Variants in SHD observed in about 807,000 individuals in gnomAD.
SHD encodes the protein Src homology 2 domain containing transforming protein D, also known as SH2 domain-containing adapter protein D.
SHD carries 29 observed loss-of-function variants against 31.2 expected under a neutral mutation model. That is an observed-to-expected ratio of 0.93 (90% CI 0.69 to 1.27). SHD has a LOEUF of 1.27. Among genes scored for constraint, SHD ranks in the 50% most tolerant of loss-of-function variants. The pLI is 0.00. For missense variants in SHD, 520 were observed against 453.8 expected, an observed-to-expected ratio of 1.15 and a Z score of -1.33; for synonymous variants, 208 against 187.8, an observed-to-expected ratio of 1.11 and a Z score of -0.88.
chr19:4,281,759 A>C (rs2144714119), intron 1 of SHD, among the ~76,000 whole-genome samples: 1 of 152,174 alleles, frequency 6.6e-6, no homozygotes, highest in Middle Eastern at 3.4e-3. Flanking sequence ...ACTCTGTCTC[A>C]ATAAATAAAT....
intron 5 of SHD, 59 bp from the exon 6 acceptor site, chr19:4,290,388 T>C: frequency 6.5e-7 from 1 of 1,545,478 alleles, no homozygotes; most frequent in Non-Finnish European, 8.8e-7. Flanking sequence ...GCTTTGGGGA[T>C]GGTGCCTTTC....
rs1261743617 is a variant in SHD at position 4,282,891 on chromosome 19, T to G, written c.319T>G (p.Leu107Val). Residue 107 changes from leucine to valine, a missense_variant, in exon 2 of 6, where the codon TTA (leucine) becomes GTA (valine). Transcript: ENST00000543264. Reference protein sequence around the residue: ...GEELEADTEYLDPFDAQPHPA... With the variant: ...GEELEADTEYVDPFDAQPHPA... ...GCAGCTGGAAGCCGACACTGAGTAT[T>G]TAGACCCCTTTGATGCTCAGCCTCA... 4 of 1,613,952 alleles carry G rather than the reference T, an allele frequency of 2.5e-6. No homozygotes were observed. The highest frequency in any genetic ancestry group is 3.4e-6 in the Non-Finnish European group (4 of 1,179,992).
Position 4,280,346 on chromosome 19 carries a change from G to T in SHD, c.283G>T (p.Gly95Cys). Reference sequence around the variant, plus strand: ...GGCCAGAGCCAAGGCCCTTCTGGGCGGCCCCGGGGAGGAGGTGCGTGGCTG... The same window carrying T: ...GGCCAGAGCCAAGGCCCTTCTGGGCTGCCCCGGGGAGGAGGTGCGTGGCTG... ...DMARAKALLG[G>C]PGEELEADTE... is the part of the protein sequence containing the mutation. The change falls in exon 1 of 6, where the codon GGC becomes TGC. Residue 95 changes from glycine (G) to cysteine (C), a missense_variant. Gly to Cys is a radical substitution (Grantham distance 159). Coordinates refer to ENST00000543264, the MANE Select transcript of SHD (RefSeq NM_020209.4). The T allele has an allele frequency of 1.3e-6, 2 of 1,573,110 alleles. No individual in the cohort carries two copies. Among genetic ancestry groups the T allele is most frequent in the South Asian group, 2.3e-5 (2 of 86,578 alleles).
chr19:4,285,154 T>G lies in SHD; in HGVS notation c.716+250T>G, dbSNP rs116146325. Among the ~76,000 whole-genome samples, 695 of 152,286 alleles carry G rather than the reference T, an allele frequency of 4.6e-3. 8 individuals carry two copies. The highest frequency in any genetic ancestry group is 0.016 in the African/African-American group (670 of 41,566). The stretch of plus-strand genomic sequence containing the variant: ...TCAAGTTCTGGGTTCACATTCCTGC[T>G]CTCCTCTCCTGGCTGTGTAGCCTGG... On this transcript the variant is annotated intron_variant, in intron 4 of 5. Transcript: ENST00000543264.
rs1017215139 is a variant in SHD, at chr19:4,288,319, C to T, written c.793C>T (p.Arg265Trp). 1.2e-5 allele frequency: 20 copies of T among 1,613,702 alleles called. No individual in the cohort carries two copies. Among genetic ancestry groups the T allele is most frequent in the East Asian group, 6.7e-5 (3 of 44,870 alleles). Residue 265 changes from arginine to tryptophan, a missense_variant, in exon 5 of 6, where the codon CGG (arginine) becomes TGG (tryptophan). Coordinates refer to ENST00000543264, the MANE Select transcript of SHD (RefSeq NM_020209.4). ...CTGCAAGGAAGGCAGCTACCTAGTG[C>T]GGCTCAGTGAGACCAACCCCCAGGA... ...SLCKEGSYLV[R>W]LSETNPQDCS...
chr19:4,279,841 T>G lies in SHD; in HGVS notation c.-223T>G. 1.7e-6 allele frequency: 1 copy of G among 572,704 alleles called. No individual in the cohort carries two copies. The highest frequency in any genetic ancestry group is 3.0e-6 in the Non-Finnish European group (1 of 334,334). The allele number at this position is 572,704 out of a possible 1,614,324, so 35.5% of individuals were successfully genotyped here. On this transcript the variant is annotated 5_prime_UTR_variant, in exon 1 of 6. Coordinates refer to ENST00000543264, the MANE Select transcript of SHD (RefSeq NM_020209.4). This position sits in a 1 kb window ranked among gnomAD's most constrained non-coding sequence, Gnocchi z 7.5. ...CTTCCCAAGCTGGGCTAAGGCGGGC[T>G]TCTCTTCCTCCCTCCTCTGTCGCCT...
rs144296562 is a variant in SHD at position 4,283,097 on chromosome 19, G to C, written c.447G>C (p.Glu149Asp). 1.9e-6 allele frequency: 3 copies of C among 1,613,998 alleles called. No homozygotes were observed. Among genetic ancestry groups the C allele is most frequent in the African/African-American group, 2.7e-5 (2 of 74,926 alleles). ...TGCAGCTCTATGACACCCCTTATGA[G>C]GAACAGGACCCAGAGACAGCAGATG... is the stretch of plus-strand genomic sequence containing the variant. ...RGVQLYDTPYEEQDPETADGP... is the reference protein window; with the variant it reads ...RGVQLYDTPYDEQDPETADGP... Residue 149 changes from glutamate (E) to aspartate (D), a missense_variant, in exon 3 of 6, where the codon GAG becomes GAC. Coordinates refer to ENST00000543264, the MANE Select transcript of SHD (RefSeq NM_020209.4).
At position 4,283,076 on chromosome 19, in the gene SHD, G is replaced by T. The variant is rs149578820; in HGVS notation, c.426G>T (p.Gln142His). The change falls in exon 3 of 6, where the codon CAG (glutamine) becomes CAT (histidine). Residue 142 changes from glutamine to histidine, a missense_variant. Gln to His is a conservative substitution (Grantham distance 24, BLOSUM62 0). Coordinates refer to ENST00000543264, the MANE Select transcript of SHD (RefSeq NM_020209.4). ...VMSELPGRGVQLYDTPYEEQD... is the reference protein window; with the variant it reads ...VMSELPGRGVHLYDTPYEEQD... Reference sequence around the variant, plus strand: ...TAGAACTTCCCGGCAGAGGGGTGCAGCTCTATGACACCCCTTATGAGGAAC... The same window carrying T: ...TAGAACTTCCCGGCAGAGGGGTGCATCTCTATGACACCCCTTATGAGGAAC... 19 of 1,613,930 alleles carry T rather than the reference G, an allele frequency of 1.2e-5. No individual in the cohort carries two copies. The highest frequency in any genetic ancestry group is 1.3e-5 in the African/African-American group (1 of 74,896).
intron 4 of SHD, among the ~76,000 whole-genome samples, chr19:4,285,889 CT>C (rs56142317): frequency 0.039 from 3,382 of 87,262 alleles, 60 homozygotes; most frequent in African/African-American, 0.15. Flanking sequence ...CTTTTCCTTT[CT>C]TTTTTTTTTT....
At chr19:4,287,256 G>C (rs10417493) in intron 4 of SHD, among the ~76,000 whole-genome samples, 66,500 of 151,160 alleles carry the variant, frequency 0.44, 15,604 homozygotes, top group African/African-American at 0.59. Context: ...GGCGTGAACC[G>C]GGGAGGCGGA....
In SHD at chr19:4,280,016, T is replaced by A; in HGVS notation, c.-48T>A. ...GGGGAAAGGGGCCCGGAGAAGGGCA[T>A]GTGGGGGCCCCTCTGACAGTGGCCC... On this transcript the variant is annotated 5_prime_UTR_variant, in exon 1 of 6. An upstream start codon of the reference 5' UTR is lost. Coordinates refer to ENST00000543264, the MANE Select transcript of SHD (RefSeq NM_020209.4). 1 of 1,520,040 alleles carries A rather than the reference T, an allele frequency of 6.6e-7. No homozygotes were observed. Among genetic ancestry groups the A allele is most frequent in the Non-Finnish European group, 8.8e-7 (1 of 1,135,764 alleles). 94.2% of individuals were successfully genotyped at this position (1,520,040 alleles called of 1,614,324 possible). A position where few individuals can be genotyped will look rare whatever the true frequency, so the allele number is the denominator to read the frequency against.
Position 4,288,269 on chromosome 19 carries a change from CG to C in SHD, c.745del (p.Asp249MetfsTer15), listed in dbSNP as rs776025040. ...TGGTTTCATGGCCCCCTGAACAGGG[CG>C]GATGCAGAGAGCCTCCTGTCCCTCT... ...QPWFHGPLNR[A>X]DAESLLSLCK... is the part of the protein sequence containing the mutation. On this transcript the variant is annotated frameshift_variant, in exon 5 of 6. Transcript: ENST00000543264. LOFTEE classifies it high-confidence loss of function. 2.5e-6 allele frequency: 4 copies of C among 1,613,546 alleles called. No homozygotes were observed. The highest frequency in any genetic ancestry group is 3.4e-6 in the Non-Finnish European group (4 of 1,179,792).
Position 4,284,796 on chromosome 19 carries a change from C to T in SHD, c.608C>T (p.Pro203Leu). 3.7e-6 allele frequency: 6 copies of T among 1,609,396 alleles called. No homozygotes were observed. Among genetic ancestry groups the T allele is most frequent in the Non-Finnish European group, 5.1e-6 (6 of 1,177,466 alleles). The change falls in exon 4 of 6, where the codon CCA becomes CTA. Residue 203 changes from proline (P) to leucine (L), a missense_variant. Physicochemically the swap from Pro to Leu is moderately conservative, Grantham distance 98. Coordinates refer to ENST00000543264, the MANE Select transcript of SHD (RefSeq NM_020209.4). ...SRAFAVQFDS[P>L]EWERTPGSAK... ...TCCTTTCCAGTGCAGTTTGACAGTC[C>T]AGAGTGGGAGAGGACTCCAGGCTCA...
At chr19:4,286,751 G>T (rs773111274) in intron 4 of SHD, among the ~76,000 whole-genome samples, 1 of 151,718 alleles carries the variant, frequency 6.6e-6, no homozygotes, top group Non-Finnish European at 1.5e-5. Flanking sequence ...ATGGTGGTGC[G>T]TGCCTGTAAT....
chr19:4,290,453 C>G lies in SHD; in HGVS notation c.843C>G (p.Ser281Arg). The change falls in exon 6 of 6, where the codon AGC (serine) becomes AGG (arginine). Residue 281 changes from serine (S) to arginine (R), a missense_variant. By Grantham distance (110) the Ser-to-Arg change is moderately radical (BLOSUM62 -1). Coordinates refer to ENST00000543264, the MANE Select transcript of SHD (RefSeq NM_020209.4). ...PQDCSLSLRS[S>R]QGFLHLKFAR... ...TTTCTCCCTCATCGCCCAGGAGCAGCCAGGGCTTCCTGCATCTGAAGTTCG... is the reference window on the plus strand; with the variant it reads ...TTTCTCCCTCATCGCCCAGGAGCAGGCAGGGCTTCCTGCATCTGAAGTTCG... 6.2e-7 allele frequency: 1 copy of G among 1,610,748 alleles called. No homozygotes were observed. Among genetic ancestry groups the G allele is most frequent in the South Asian group, 1.1e-5 (1 of 90,780 alleles).
At chr19:4,289,950 A>C (rs967136987) in intron 5 of SHD, among the ~76,000 whole-genome samples, 1 of 150,972 alleles carries the variant, frequency 6.6e-6, no homozygotes, top group Non-Finnish European at 1.5e-5. Flanking sequence ...ATATCAGCTC[A>C]CTGCAGCCTC....
intron 5 of SHD, among the ~76,000 whole-genome samples, chr19:4,289,103 A>AT (rs71166980): frequency 0.098 from 7,597 of 77,382 alleles, 523 homozygotes; most frequent in East Asian, 0.2. Flanking sequence ...TGCCCAGCTA[A>AT]TTTTTTTTTT....
At chr19:4,286,837 G>T (rs1056651392) in intron 4 of SHD, among the ~76,000 whole-genome samples, 1 of 151,828 alleles carries the variant, frequency 6.6e-6, no homozygotes, top group African/African-American at 2.4e-5. Flanking sequence ...CTGAGATCAC[G>T]CCACTGTACT....
At chr19:4,280,415 T>A in intron 1 of SHD, 55 bp downstream of exon 1, 1 of 1,493,988 alleles carries the variant, frequency 6.7e-7, no homozygotes, top group Non-Finnish European at 8.9e-7. Flanking sequence ...CAGGATGGGC[T>A]CTCTGGATCG....
Sources: allele counts gnomAD v4.1 joint callset (sites outside exome capture counted in the v4.1 genomes callset), GRCh38; gene constraint gnomAD v4.1.1; non-coding constraint Gnocchi (gnomAD v3.1); transcripts MANE v1.5; gene names NCBI Gene and HGNC (gene_info 2026-07-23, HGNC 2026-07-21).